Variants in ZNF573 observed in about 807,000 individuals in gnomAD.
ZNF573 encodes zinc finger protein 573.
Under a neutral mutation model 57.4 loss-of-function variants are expected in ZNF573, and 41 were observed. The ratio of observed to expected loss-of-function variants is 0.71; its 90% CI spans 0.56 to 0.93. The LOEUF is 0.93. Ranked by LOEUF, ZNF573 falls within the 40% of genes least tolerant of loss-of-function variation. The pLI, the probability that ZNF573 is intolerant of heterozygous loss-of-function variation, is 0.00. For missense variants in ZNF573, 730 were observed against 794.8 expected, an observed-to-expected ratio of 0.92 and a Z score of 0.98; for synonymous variants, 249 against 261.0, an observed-to-expected ratio of 0.95 and a Z score of 0.44.
At chr19:37,751,061 T>C (rs1599689563) in intron 4 of ZNF573, among the ~76,000 whole-genome samples, 1 of 150,488 alleles carries the variant, frequency 6.6e-6, no homozygotes, top group East Asian at 2.0e-4. Flanking sequence ...TATAGTAGTA[T>C]AGTATGGTAT....
chr19:37,747,698 T>C (rs2045394234), intron 4 of ZNF573, among the ~76,000 whole-genome samples: 1 of 151,990 alleles, frequency 6.6e-6, no homozygotes, highest in Admixed American at 6.6e-5. Context: ...ACTTCACCTC[T>C]CTTACAGTCT....
In ZNF573 at chr19:37,738,556, T is replaced by C; in HGVS notation, c.1934A>G (p.Lys645Arg). ...EKPYVCKQCG[K>R]TFRYGSALKA... The stretch of plus-strand genomic sequence containing the variant: ...AAGGGCTGAACCATATCTGAAGGTT[T>C]TCCCACACTGCTTACACACATAGGG... Residue 645 changes from lysine to arginine, a missense_variant, in exon 5 of 5, where the codon AAA (lysine) becomes AGA (arginine). By Grantham distance (26) the Lys-to-Arg change is conservative. Coordinates refer to ENST00000536220, the MANE Select transcript of ZNF573 (RefSeq NM_001172690.2). 1 of 1,582,958 alleles carries C rather than the reference T, an allele frequency of 6.3e-7. No homozygotes were observed. Among genetic ancestry groups the C allele is most frequent in the Non-Finnish European group, 8.6e-7 (1 of 1,168,338 alleles).
At chr19:37,767,386 G>A (rs1317520092) in intron 4 of ZNF573, among the ~76,000 whole-genome samples, 3 of 151,940 alleles carry the variant, frequency 2.0e-5, no homozygotes, top group Non-Finnish European at 4.4e-5. Context: ...CCGCCACCAC[G>A]CCCACCTAAT....
chr19:37,770,426 G>T (rs778491817), intron 3 of ZNF573: 242 of 207,846 alleles, frequency 1.2e-3, no homozygotes, highest in Admixed American at 4.0e-3. Flanking sequence ...TTGGCCATGT[G>T]ACTTCAACTC....
chr19:37,757,045 C>G (rs2045494722), intron 4 of ZNF573, among the ~76,000 whole-genome samples: 1 of 151,620 alleles, frequency 6.6e-6, no homozygotes, highest in African/African-American at 2.4e-5. Flanking sequence ...TCTTCCATCT[C>G]AAGCAGAAGG....
intron 4 of ZNF573, among the ~76,000 whole-genome samples, chr19:37,765,843 A>C (rs1431377748): frequency 6.6e-6 from 1 of 152,112 alleles, no homozygotes; most frequent in Non-Finnish European, 1.5e-5. Context: ...GTTTGAGACC[A>C]GCCTGGCCGA....
At chr19:37,766,619 C>A (rs558877352) in intron 4 of ZNF573, among the ~76,000 whole-genome samples, 1 of 152,194 alleles carries the variant, frequency 6.6e-6, no homozygotes, top group Non-Finnish European at 1.5e-5. Context: ...CGCATGAAGA[C>A]CAGCCTTAAA....
At chr19:37,749,835 A>G (rs922016576) in intron 4 of ZNF573, among the ~76,000 whole-genome samples, 2 of 152,204 alleles carry the variant, frequency 1.3e-5, no homozygotes, top group Non-Finnish European at 2.9e-5. Context: ...GGATAAAAAC[A>G]TGTTACTAAC....
rs2045679855 is a variant in ZNF573 at position 37,773,680 on chromosome 19, T to C, written c.50A>G (p.Asn17Ser). Reference protein sequence around the residue: ...PHQVGLIRSYNSKTMTCFQEL... With the variant: ...PHQVGLIRSYSSKTMTCFQEL... Reference sequence around the variant, plus strand: ...ACTTACACAGGTCATGGTTTTAGAATTGTAAGACCTGATCAGTCCTACTTG... The same window carrying C: ...ACTTACACAGGTCATGGTTTTAGAACTGTAAGACCTGATCAGTCCTACTTG... The change falls in exon 2 of 5, where the codon AAT becomes AGT. Residue 17 changes from asparagine (N) to serine (S), a missense_variant. Physicochemically the swap from Asn to Ser is conservative, Grantham distance 46. Coordinates refer to ENST00000536220, the MANE Select transcript of ZNF573 (RefSeq NM_001172690.2). 4.6e-6 allele frequency: 7 copies of C among 1,535,752 alleles called. No individual in the cohort carries two copies. The highest frequency in any genetic ancestry group is 6.1e-6 in the Non-Finnish European group (7 of 1,146,658).
At chr19:37,753,088 C>G (rs1275224708) in intron 4 of ZNF573, among the ~76,000 whole-genome samples, 1 of 152,032 alleles carries the variant, frequency 6.6e-6, no homozygotes, top group Non-Finnish European at 1.5e-5. Flanking sequence ...GACCCCGTCT[C>G]TACAAAAAAA....
intron 4 of ZNF573, among the ~76,000 whole-genome samples, chr19:37,753,481 T>C (rs1235796543): frequency 6.6e-6 from 1 of 152,170 alleles, no homozygotes; most frequent in Non-Finnish European, 1.5e-5. Flanking sequence ...AGTAAATTTT[T>C]TTTTAAAGAG....
chr19:37,773,519 G>T, intron 2 of ZNF573, 142 bp downstream of exon 2: 1 of 583,100 alleles, frequency 1.7e-6, no homozygotes, highest in Non-Finnish European at 3.0e-6. Context: ...TGAGTTATTT[G>T]CTATCACTAT....
At position 37,738,590 on chromosome 19, in the gene ZNF573, C is replaced by T. The variant is rs1419772443; in HGVS notation, c.1900G>A (p.Gly634Ser). ...NLVQHERIHT[G>S]EKPYVCKQCG... is the part of the protein sequence containing the mutation. ...TGCTTACACACATAGGGTTTCTCAC[C>T]AGTATGAATTCTCTCATGTTGAACA... The change falls in exon 5 of 5, where the codon GGT (glycine) becomes AGT (serine). Residue 634 changes from glycine to serine, a missense_variant. Physicochemically the swap from Gly to Ser is moderately conservative, Grantham distance 56. Transcript: ENST00000536220. The T allele has an allele frequency of 4.3e-6, 7 of 1,609,538 alleles. No homozygotes were observed. The highest frequency in any genetic ancestry group is 5.9e-6 in the Non-Finnish European group (7 of 1,178,040).
At chr19:37,756,150 C>A (rs1009686512) in intron 4 of ZNF573, among the ~76,000 whole-genome samples, 2 of 152,176 alleles carry the variant, frequency 1.3e-5, no homozygotes, top group Non-Finnish European at 1.5e-5. Flanking sequence ...GTAAACTGAT[C>A]CTTATTTTAC....
chr19:37,759,601 A>G lies in ZNF573; in HGVS notation c.295+10404T>C, dbSNP rs148285848. 7.2e-3 allele frequency among the ~76,000 whole-genome samples: 1,099 copies of G among 152,042 alleles called. 5 individuals carry two copies. Among genetic ancestry groups the G allele is most frequent in the South Asian group, 0.021 (99 of 4,806 alleles). ...AAATTAGCCAGGCGTGATGGTGGGC[A>G]CCTGTAGTCCCAGCTACTCGGGAGG... On this transcript the variant is annotated intron_variant, in intron 4 of 4. Coordinates refer to ENST00000536220, the MANE Select transcript of ZNF573 (RefSeq NM_001172690.2).
chr19:37,743,854 T>C (rs1409956512), intron 4 of ZNF573, among the ~76,000 whole-genome samples: 1 of 152,186 alleles, frequency 6.6e-6, no homozygotes, highest in Non-Finnish European at 1.5e-5. Flanking sequence ...TGCATGAAGC[T>C]GGAGGCCATC....
At chr19:37,752,859 C>T (rs1372990701) in intron 4 of ZNF573, among the ~76,000 whole-genome samples, 1 of 152,070 alleles carries the variant, frequency 6.6e-6, no homozygotes, top group Non-Finnish European at 1.5e-5. Context: ...GGTCTCAAAC[C>T]CCTGGGCTCA....
Position 37,740,197 on chromosome 19 carries a change from GAAAC to G in ZNF573, c.296-7_296-4del. ...TATCTCACACTGTAAATCCAAATCT[GAAAC>G]AAAAGAGGACAACAAAAAAAATTTG... is the stretch of plus-strand genomic sequence containing the variant. On this transcript the variant is annotated splice_polypyrimidine_tract_variant and splice_region_variant and intron_variant, in intron 4 of 4. Transcript: ENST00000536220. 6.5e-7 allele frequency: 1 copy of G among 1,542,258 alleles called. No individual in the cohort carries two copies. Among genetic ancestry groups the G allele is most frequent in the Middle Eastern group, 1.9e-4 (1 of 5,154 alleles).
rs761028477 is a variant in ZNF573 at position 37,739,043 on chromosome 19, A to T, written c.1447T>A (p.Ser483Thr). 1.2e-6 allele frequency: 2 copies of T among 1,613,338 alleles called. No individual in the cohort carries two copies. Among genetic ancestry groups the T allele is most frequent in the Non-Finnish European group, 1.7e-6 (2 of 1,179,840 alleles). Residue 483 changes from serine (S) to threonine (T), a missense_variant, in exon 5 of 5, where the codon TCA becomes ACA. By Grantham distance (58) the Ser-to-Thr change is moderately conservative. Coordinates refer to ENST00000536220, the MANE Select transcript of ZNF573 (RefSeq NM_001172690.2). The stretch of plus-strand genomic sequence containing the variant: ...GTTTTCCGATGTTGAATAAGGTTTG[A>T]GCCAGTACTATAGGCCTTCCCACAT... ...QECGKAYSTG[S>T]NLIQHRKTHT...
Sources: gnomAD v4.1 joint callset for allele counts (sites outside exome capture counted in the v4.1 genomes callset) on GRCh38, gnomAD v4.1.1 for gene constraint, MANE v1.5 for transcripts, NCBI Gene and HGNC (gene_info 2026-07-23, HGNC 2026-07-21) for gene names.